The following ATXN7L1 variants were observed in gnomAD, a reference collection of about 807,000 sequenced individuals.
ATXN7L1 encodes ataxin 7 like 1.
In ATXN7L1, 15 loss-of-function variants were observed where a neutral mutation model predicts 70.8. That is an observed-to-expected ratio of 0.21 (90% CI 0.14 to 0.33). ATXN7L1 has a LOEUF of 0.33. Ranked by LOEUF, ATXN7L1 falls within the 10% of genes least tolerant of loss-of-function variation. ATXN7L1 has a pLI of 1.00. For missense variants in ATXN7L1, 975 were observed against 1,097.1 expected (o/e 0.89, Z 1.57); for synonymous variants, 440 against 445.1 (o/e 0.99, Z 0.14).
intron 4 of ATXN7L1, among the ~76,000 whole-genome samples, chr7:105,660,416 C>T (rs1476242900): frequency 2.0e-5 from 3 of 151,784 alleles, no homozygotes; most frequent in Non-Finnish European, 4.4e-5. Flanking sequence ...TTTGCACATT[C>T]TGTTCCCTTT....
At chr7:105,805,425 T>C (rs1807428185) in intron 2 of ATXN7L1, among the ~76,000 whole-genome samples, 1 of 152,186 alleles carries the variant, frequency 6.6e-6, no homozygotes, top group African/African-American at 2.4e-5. Context: ...GGTGACTCAG[T>C]GTGGGAAACA....
rs531384789 is a variant in ATXN7L1, at chr7:105,663,811, G to A, written c.578+1255C>T. On this transcript the variant is annotated intron_variant, in intron 4 of 11. Transcript: ENST00000419735. Reference sequence around the variant, plus strand: ...ACAGGAGTCTCACTTCGTCATCCAGGCTGGAGCGCAGTGGCACAATCTCGG... The same window carrying A: ...ACAGGAGTCTCACTTCGTCATCCAGACTGGAGCGCAGTGGCACAATCTCGG... Among the ~76,000 whole-genome samples the A allele has an allele frequency of 3.3e-5, 5 of 152,090 alleles. No individual in the cohort carries two copies. In the South Asian group the frequency reaches 6.2e-4, roughly 19 times the overall value.
intron 3 of ATXN7L1, among the ~76,000 whole-genome samples, chr7:105,733,401 T>C (rs1393290772): frequency 6.6e-6 from 1 of 152,214 alleles, no homozygotes; most frequent in Non-Finnish European, 1.5e-5. Flanking sequence ...ATTTACTGAG[T>C]GGGTCCTATA....
At chr7:105,700,781 A>C (rs1792350736) in intron 3 of ATXN7L1, among the ~76,000 whole-genome samples, 1 of 151,980 alleles carries the variant, frequency 6.6e-6, no homozygotes, top group African/African-American at 2.4e-5. Flanking sequence ...TCCTGGGCTC[A>C]AGTGATCCTC....
At chr7:105,829,662 C>A (rs1811331683) in intron 2 of ATXN7L1, among the ~76,000 whole-genome samples, 1 of 152,194 alleles carries the variant, frequency 6.6e-6, no homozygotes, top group African/African-American at 2.4e-5. Flanking sequence ...TTCAACGTAA[C>A]CAAAATCATA....
intron 9 of ATXN7L1, among the ~76,000 whole-genome samples, chr7:105,619,704 A>C (rs1794652301): frequency 6.6e-6 from 1 of 150,998 alleles, no homozygotes; most frequent in African/African-American, 2.4e-5. Context: ...AGTGTGTGTC[A>C]TTACACCCAG....
chr7:105,826,927 G>C (rs746554697), intron 2 of ATXN7L1, among the ~76,000 whole-genome samples: 2 of 152,196 alleles, frequency 1.3e-5, no homozygotes, highest in Non-Finnish European at 2.9e-5. Context: ...TTGGGATATA[G>C]AAGGAAGAGC....
intron 3 of ATXN7L1, among the ~76,000 whole-genome samples, chr7:105,785,436 A>T (rs973882560): frequency 6.6e-6 from 1 of 152,176 alleles, no homozygotes; most frequent in Admixed American, 6.5e-5. Context: ...ACTGCACTAC[A>T]GTCTGGATGA....
chr7:105,656,357 T>C (rs1318714542), intron 4 of ATXN7L1, among the ~76,000 whole-genome samples: 7 of 152,156 alleles, frequency 4.6e-5, no homozygotes, highest in African/African-American at 1.4e-4. Context: ...ATCAACTACA[T>C]AGATGTCAAC....
intron 2 of ATXN7L1, chr7:105,819,972 G>T: frequency 2.1e-6 from 1 of 478,988 alleles, no homozygotes; most frequent in East Asian, 5.8e-5. Context: ...AGAAGAGGAA[G>T]GAGAAAGCCA....
At chr7:105,837,302 C>T (rs990037842) in intron 2 of ATXN7L1, among the ~76,000 whole-genome samples, 10 of 152,114 alleles carry the variant, frequency 6.6e-5, no homozygotes, top group African/African-American at 1.9e-4. Context: ...ATCCACTGGC[C>T]TTCTGATTCC....
chr7:105,609,075 C>T (rs990980102), intron 11 of ATXN7L1, among the ~76,000 whole-genome samples: 1 of 152,192 alleles, frequency 6.6e-6, no homozygotes, highest in Non-Finnish European at 1.5e-5. Context: ...ACCCTGAATA[C>T]TGCTGCCATG....
intron 5 of ATXN7L1, among the ~76,000 whole-genome samples, chr7:105,641,214 C>CTCTTTTTTTTTTTTTTTTTTTTTTTTTT (rs1316374331): frequency 1.4e-4 from 3 of 21,794 alleles, no homozygotes; most frequent in Admixed American, 7.4e-4. Flanking sequence ...CTCTCTCTCT[C>CTCTTTTTTTTTTTTTTTTTTTTTTTTTT]TTTTTTTTTT....
intron 3 of ATXN7L1, among the ~76,000 whole-genome samples, chr7:105,692,361 A>ATT (rs1349054997): frequency 7.3e-4 from 89 of 122,230 alleles, no homozygotes; most frequent in African/African-American, 2.7e-3. Flanking sequence ...TGCTGGATGA[A>ATT]TTTCTTTCTT....
At chr7:105,781,659 CT>C (rs151084209) in intron 3 of ATXN7L1, among the ~76,000 whole-genome samples, 1 of 151,748 alleles carries the variant, frequency 6.6e-6, no homozygotes, top group African/African-American at 2.4e-5. Flanking sequence ...AATTGTGAAA[CT>C]TTTTTTTTAA....
intron 10 of ATXN7L1, among the ~76,000 whole-genome samples, chr7:105,610,925 C>T (rs1793091847): frequency 6.6e-6 from 1 of 152,234 alleles, no homozygotes; most frequent in African/African-American, 2.4e-5. Flanking sequence ...CTGGGAGCTT[C>T]ACTCAGCAGA....
In ATXN7L1 at chr7:105,845,562, ATATGGAAAT is replaced by A. The variant is rs149515726; in HGVS notation, c.250+30241_250+30249del. On this transcript the variant is annotated intron_variant, in intron 2 of 11. Transcript: ENST00000419735. Reference sequence around the variant, plus strand: ...AATTGACAAAGTAATCCTAAAATTCATATGGAAATTCAAGAAGTTCCTATTGTTTAAAGC... The same window carrying A: ...AATTGACAAAGTAATCCTAAAATTCATCAAGAAGTTCCTATTGTTTAAAGC... Among the ~76,000 whole-genome samples the A allele has an allele frequency of 7.8e-3, 1,163 of 149,398 alleles. 17 individuals carry two copies. The highest frequency in any genetic ancestry group is 0.027 in the African/African-American group (1,089 of 40,454).
At chr7:105,843,810 T>G (rs1038081633) in intron 2 of ATXN7L1, among the ~76,000 whole-genome samples, 1 of 152,236 alleles carries the variant, frequency 6.6e-6, no homozygotes, top group African/African-American at 2.4e-5. Flanking sequence ...GGCCCAGGGA[T>G]GGCTGGAGCC....
intron 3 of ATXN7L1, among the ~76,000 whole-genome samples, chr7:105,712,023 C>T (rs574711376): frequency 3.9e-4 from 60 of 152,376 alleles, no homozygotes; most frequent in African/African-American, 1.3e-3. Context: ...GCAGGCCCAA[C>T]GTCATGTGGA....
Sources: allele counts gnomAD v4.1 joint callset (sites outside exome capture counted in the v4.1 genomes callset), GRCh38; gene constraint gnomAD v4.1.1; transcripts MANE v1.5; gene names NCBI Gene and HGNC (gene_info 2026-07-23, HGNC 2026-07-21).